LAMC1: variants seen among roughly 807,000 people sequenced by gnomAD.
LAMC1 encodes the protein laminin subunit gamma 1, also known as laminin subunit gamma-1.
LAMC1 carries 38 observed loss-of-function variants against 173.6 expected under a neutral mutation model. The ratio of observed to expected loss-of-function variants is 0.22; its 90% CI spans 0.17 to 0.29. The LOEUF (loss-of-function observed/expected upper bound fraction) is 0.29, where lower values mean the gene tolerates loss of function less well. Ranked by LOEUF, LAMC1 falls within the 10% of genes least tolerant of loss-of-function variation. The pLI, the probability that LAMC1 is intolerant of heterozygous loss-of-function variation, is 1.00. For synonymous variants in LAMC1, 746 were observed against 749.1 expected (o/e 1.00, Z 0.07); for missense variants, 1,824 against 2,051.8 (o/e 0.89, Z 2.14).
chr1:183,071,766 T>G (rs1223925543), intron 1 of LAMC1, among the ~76,000 whole-genome samples: 4 of 152,242 alleles, frequency 2.6e-5, no homozygotes, highest in African/African-American at 9.6e-5. Flanking sequence ...AGCATAGTGC[T>G]GAAGTGCCGT....
chr1:183,045,074 T>C (rs964688689), intron 1 of LAMC1, among the ~76,000 whole-genome samples: 3 of 151,800 alleles, frequency 2.0e-5, no homozygotes, highest in Non-Finnish European at 4.4e-5. Flanking sequence ...TCACCTAGGC[T>C]AATAATTACC....
intron 1 of LAMC1, among the ~76,000 whole-genome samples, chr1:183,033,188 C>G (rs1478546462): frequency 6.6e-6 from 1 of 152,168 alleles, no homozygotes; most frequent in Non-Finnish European, 1.5e-5. Context: ...CCAGAAGTTG[C>G]TGGCATTAAT....
At chr1:183,060,933 G>T (rs1426369528) in intron 1 of LAMC1, among the ~76,000 whole-genome samples, 2 of 152,178 alleles carry the variant, frequency 1.3e-5, no homozygotes, top group African/African-American at 4.8e-5. Flanking sequence ...GAAAGGCTTT[G>T]AATATGAAGC....
chr1:183,031,918 GAAAA>G (rs913589419), intron 1 of LAMC1, among the ~76,000 whole-genome samples: 5 of 147,252 alleles, frequency 3.4e-5, no homozygotes, highest in African/African-American at 1.2e-4. Flanking sequence ...TTAAAAATAA[GAAAA>G]AAAAAGATTA....
intron 1 of LAMC1, among the ~76,000 whole-genome samples, chr1:183,100,254 A>G (rs1655800469): frequency 6.6e-6 from 1 of 151,710 alleles, no homozygotes; most frequent in South Asian, 2.1e-4. Context: ...CCACATCTTG[A>G]CCTCCCCATC....
At chr1:183,066,524 T>C (rs919226011) in intron 1 of LAMC1, among the ~76,000 whole-genome samples, 2 of 152,224 alleles carry the variant, frequency 1.3e-5, no homozygotes, top group Non-Finnish European at 2.9e-5. Flanking sequence ...ATTGCAGCAC[T>C]GTTCACAATA....
At chr1:183,137,283 A>G (rs1656971733) in intron 25 of LAMC1, among the ~76,000 whole-genome samples, 1 of 152,202 alleles carries the variant, frequency 6.6e-6, no homozygotes, top group Admixed American at 6.5e-5. Context: ...GAACCAAGCT[A>G]GCTTTGAATT....
intron 11 of LAMC1, among the ~76,000 whole-genome samples, chr1:183,120,033 G>A (rs12092379): frequency 0.025 from 3,857 of 151,960 alleles, 154 homozygotes; most frequent in African/African-American, 0.085. Flanking sequence ...GCTGGGCATG[G>A]TGGCACACAC....
At chr1:183,142,394 C>A in intron 27 of LAMC1, 140 bp from the exon 28 acceptor site, 2 of 826,990 alleles carry the variant, frequency 2.4e-6, no homozygotes, top group Non-Finnish European at 3.7e-6. Context: ...TGTGTGACAT[C>A]AACAATCTGC....
At chr1:183,105,381 T>C (rs912476705) in intron 2 of LAMC1, among the ~76,000 whole-genome samples, 1 of 152,140 alleles carries the variant, frequency 6.6e-6, no homozygotes, top group African/African-American at 2.4e-5. Flanking sequence ...TATTGCATTT[T>C]CCTGTCCTGA....
intron 2 of LAMC1, among the ~76,000 whole-genome samples, chr1:183,107,260 C>T (rs941071537): frequency 3.3e-5 from 5 of 152,202 alleles, no homozygotes; most frequent in Middle Eastern, 3.4e-3. Context: ...CCTCGTGGTA[C>T]TTACAGTGTG....
At chr1:183,038,011 A>C (rs1365379347) in intron 1 of LAMC1, among the ~76,000 whole-genome samples, 2 of 151,290 alleles carry the variant, frequency 1.3e-5, no homozygotes, top group Non-Finnish European at 2.9e-5. Flanking sequence ...CTTTCTTTAC[A>C]GACCTGTTTA....
intron 1 of LAMC1, among the ~76,000 whole-genome samples, chr1:183,084,659 C>T (rs1655379512): frequency 6.6e-6 from 1 of 152,144 alleles, no homozygotes; most frequent in African/African-American, 2.4e-5. Flanking sequence ...AGGAGAAATT[C>T]TTTCATTATA....
chr1:183,060,478 T>C (rs10911215), intron 1 of LAMC1, among the ~76,000 whole-genome samples: 6,974 of 152,250 alleles, frequency 0.046, 344 homozygotes, highest in African/African-American at 0.12. Context: ...CAAACTTTAT[T>C]TCTACTGTGC....
At chr1:183,076,228 C>G (rs889902901) in intron 1 of LAMC1, among the ~76,000 whole-genome samples, 1 of 152,184 alleles carries the variant, frequency 6.6e-6, no homozygotes, top group Admixed American at 6.5e-5. Context: ...ATCCCATCAC[C>G]CTTTGGAAGT....
chr1:183,053,985 T>G (rs1429616149), intron 1 of LAMC1, among the ~76,000 whole-genome samples: 4 of 152,198 alleles, frequency 2.6e-5, no homozygotes, highest in African/African-American at 9.7e-5. Context: ...TAGTCTTTGC[T>G]CAAATGTTGC....
chr1:183,142,469 A>G, intron 27 of LAMC1, 65 bp from the exon 28 acceptor site: 1 of 1,495,670 alleles, frequency 6.7e-7, no homozygotes, highest in African/African-American at 1.4e-5. Context: ...TAGTGCAGGT[A>G]CTTGTGAAGG....
At chr1:183,035,933 CTA>C (rs1017282852) in intron 1 of LAMC1, among the ~76,000 whole-genome samples, 1 of 152,060 alleles carries the variant, frequency 6.6e-6, no homozygotes, top group African/African-American at 2.4e-5. Flanking sequence ...TCTTGTATCT[CTA>C]TGTTAGCCTT....
At chr1:183,129,168 C>T (rs1479759218) in intron 18 of LAMC1, among the ~76,000 whole-genome samples, 1 of 151,156 alleles carries the variant, frequency 6.6e-6, no homozygotes, top group Non-Finnish European at 1.5e-5. Flanking sequence ...TCACTGCAAC[C>T]TCCACCTCCT....
Sources: allele counts gnomAD v4.1 joint callset (sites outside exome capture counted in the v4.1 genomes callset), GRCh38; gene constraint gnomAD v4.1.1; transcripts MANE v1.5; gene names NCBI Gene and HGNC (gene_info 2026-07-23, HGNC 2026-07-21).